EDARADD: variants seen among roughly 807,000 people sequenced by gnomAD.
The protein encoded by EDARADD is EDAR associated via death domain.
Under a neutral mutation model 25.6 loss-of-function variants are expected in EDARADD, and 20 were observed. The ratio of observed to expected loss-of-function variants is 0.78; its 90% CI spans 0.55 to 1.14. The LOEUF (loss-of-function observed/expected upper bound fraction) is 1.14. Among genes scored for constraint, EDARADD ranks in the 50% most tolerant of loss-of-function variants. The pLI is 0.00. For missense variants in EDARADD, 225 were observed against 270.1 expected (o/e 0.83, Z 1.17); for synonymous variants, 86 against 94.4 (o/e 0.91, Z 0.52).
chr1:236,408,417 TG>T (rs890859426), intron 1 of EDARADD, among the ~76,000 whole-genome samples: 12 of 152,118 alleles, frequency 7.9e-5, no homozygotes, highest in African/African-American at 2.9e-4. Flanking sequence ...TGGACCAGGC[TG>T]ATCTTGAACT....
chr1:236,484,505 C>G lies in EDARADD; in HGVS notation c.*1856C>G. 2.0e-6 allele frequency: 3 copies of G among 1,533,164 alleles called. No homozygotes were observed. Among genetic ancestry groups the G allele is most frequent in the Non-Finnish European group, 2.7e-6 (3 of 1,112,758 alleles). The allele number at this position is 1,533,164 out of a possible 1,614,324, so 95.0% of individuals were successfully genotyped here. ...GGCAAGCCCTTCAGTCACCTGGTGG[C>G]TAATTAGACCCCTCCCCTTGTGTCA... is the stretch of plus-strand genomic sequence containing the variant. On this transcript the variant is annotated 3_prime_UTR_variant, in exon 6 of 6. Coordinates refer to ENST00000334232, the MANE Select transcript of EDARADD (RefSeq NM_145861.4). The surrounding 1 kb of genome is among the most constrained non-coding windows in gnomAD (Gnocchi z 4.1).
chr1:236,379,413 C>G (rs1055112087), intron 3 of EDARADD, among the ~76,000 whole-genome samples: 1 of 151,564 alleles, frequency 6.6e-6, no homozygotes, highest in African/African-American at 2.4e-5. Context: ...CAATCCCTGC[C>G]TTCTCAAGAA....
chr1:236,398,488 G>A lies in EDARADD; in HGVS notation c.61+3983G>A, dbSNP rs1482858649. ...TTTCCAACACTCCGACAGATCCTCA[G>A]TCCTTGAGGCTTACACACTCTGTGC... On this transcript the variant is annotated intron_variant, in intron 1 of 5. Transcript: ENST00000334232. The surrounding 1 kb of genome is among the most constrained non-coding windows in gnomAD (Gnocchi z 4.1). Among the ~76,000 whole-genome samples the A allele has an allele frequency of 6.6e-6, 1 of 152,218 alleles. No homozygotes were observed. The highest frequency in any genetic ancestry group is 2.4e-5 in the African/African-American group (1 of 41,452).
intron 5 of EDARADD, among the ~76,000 whole-genome samples, chr1:236,471,506 A>C (rs1659359914): frequency 6.6e-6 from 1 of 152,046 alleles, no homozygotes; most frequent in Non-Finnish European, 1.5e-5. Context: ...CCCCCTTAAT[A>C]ACCGTTACTG....
chr1:236,409,092 T>G, intron 1 of EDARADD, 124 bp from the exon 2 acceptor site: 6 of 423,730 alleles, frequency 1.4e-5, no homozygotes, highest in South Asian at 6.4e-5. Context: ...AAAAAAGGAG[T>G]AAGGTTTTCT....
rs35064410 is a variant in EDARADD at position 236,464,423 on chromosome 1, C to CTT, written c.220-3782_220-3781dup. The stretch of plus-strand genomic sequence containing the variant: ...CCACCATGCGTGGTCCTTGCTGCAA[C>CTT]TTTTTTTTTTTTTTTTTTTTTTTTT... On this transcript the variant is annotated intron_variant, in intron 4 of 5. Coordinates refer to ENST00000334232, the MANE Select transcript of EDARADD (RefSeq NM_145861.4). Among the ~76,000 whole-genome samples the CTT allele has an allele frequency of 5.9e-3, 431 of 72,948 alleles. 33 individuals carry two copies. The highest frequency in any genetic ancestry group is 0.033 in the East Asian group (64 of 1,914). The allele number at this position is 72,948 out of a possible 152,430, so 47.9% of individuals were successfully genotyped here.
chr1:236,405,822 T>TTCCCTTCCTTCC (rs1667711688), intron 1 of EDARADD, among the ~76,000 whole-genome samples: 17 of 55,470 alleles, frequency 3.1e-4, no homozygotes, highest in African/African-American at 1.2e-3. Flanking sequence ...CCTTCCTTCC[T>TTCCCTTCCTTCC]TTCCTTCCTT....
intron 4 of EDARADD, among the ~76,000 whole-genome samples, chr1:236,455,120 G>A (rs774142647): frequency 7.2e-5 from 11 of 152,056 alleles, no homozygotes; most frequent in Non-Finnish European, 1.2e-4. Context: ...TGAAGCAGAA[G>A]AATCGCTTAA....
chr1:236,367,374 C>T (rs998362098), intron 3 of EDARADD, among the ~76,000 whole-genome samples: 19 of 152,004 alleles, frequency 1.2e-4, no homozygotes, highest in East Asian at 3.9e-4. Context: ...GGATTACAGG[C>T]GCCTGCCACC....
chr1:236,400,215 T>C (rs748204576), intron 1 of EDARADD, among the ~76,000 whole-genome samples: 9 of 152,188 alleles, frequency 5.9e-5, no homozygotes, highest in Admixed American at 6.5e-5. Flanking sequence ...TTTCCTTCTC[T>C]CTACCCAAGC....
chr1:236,397,656 TAG>T (rs1226323649), intron 1 of EDARADD, among the ~76,000 whole-genome samples: 1 of 152,098 alleles, frequency 6.6e-6, no homozygotes, highest in Non-Finnish European at 1.5e-5. Flanking sequence ...GTGAAAACTT[TAG>T]AGAGAGATGG....
intron 4 of EDARADD, among the ~76,000 whole-genome samples, chr1:236,444,963 A>G (rs1260325098): frequency 6.7e-6 from 1 of 150,298 alleles, no homozygotes; most frequent in Non-Finnish European, 1.5e-5. Context: ...CAAGTATTTC[A>G]TCTCGGAGGG....
At chr1:236,360,185 G>A (rs1206416946) in intron 3 of EDARADD, among the ~76,000 whole-genome samples, 1 of 152,002 alleles carries the variant, frequency 6.6e-6, no homozygotes, top group Non-Finnish European at 1.5e-5. Context: ...AGTTAGATGT[G>A]GTGGTGTACA....
chr1:236,406,825 C>T (rs1667748203), intron 1 of EDARADD, among the ~76,000 whole-genome samples: 1 of 152,222 alleles, frequency 6.6e-6, no homozygotes, highest in Admixed American at 6.5e-5. Flanking sequence ...CGGGAGCTCC[C>T]CAGGCTGCGA....
intron 2 of EDARADD, among the ~76,000 whole-genome samples, chr1:236,410,898 T>C (rs576625488): frequency 6.6e-6 from 1 of 152,300 alleles, no homozygotes; most frequent in African/African-American, 2.4e-5. Flanking sequence ...GAAATTCCTA[T>C]GAAAAATTCT....
intron 4 of EDARADD, among the ~76,000 whole-genome samples, chr1:236,467,003 A>T (rs987759767): frequency 1.7e-4 from 26 of 152,024 alleles, no homozygotes; most frequent in African/African-American, 2.7e-4. Context: ...GGAGGCGGAG[A>T]TGCAGTGAGC....
intron 3 of EDARADD, among the ~76,000 whole-genome samples, chr1:236,363,346 G>C (rs1446807632): frequency 2.6e-5 from 4 of 151,750 alleles, no homozygotes; most frequent in Non-Finnish European, 4.4e-5. Flanking sequence ...GATCATAGGG[G>C]CGGATTTCCC....
intron 2 of EDARADD, among the ~76,000 whole-genome samples, chr1:236,412,449 A>C (rs1168304997): frequency 6.6e-6 from 1 of 152,148 alleles, no homozygotes; most frequent in Admixed American, 6.6e-5. Flanking sequence ...GTTTCCCGAG[A>C]ACCTAGAAGG....
chr1:236,397,821 G>A (rs113501114), intron 1 of EDARADD, among the ~76,000 whole-genome samples: 2,646 of 152,102 alleles, frequency 0.017, 74 homozygotes, highest in African/African-American at 0.061. Flanking sequence ...TAAAATGAGC[G>A]CTCCTCCATT....
Sources: allele counts gnomAD v4.1 joint callset (sites outside exome capture counted in the v4.1 genomes callset), GRCh38; gene constraint gnomAD v4.1.1; non-coding constraint Gnocchi (gnomAD v3.1); transcripts MANE v1.5; gene names NCBI Gene and HGNC (gene_info 2026-07-23, HGNC 2026-07-21).